P2RY14: variants seen among roughly 807,000 people sequenced by gnomAD.
P2RY14 encodes the protein purinergic receptor P2Y14, also known as P2Y purinoceptor 14.
Under a neutral mutation model 0.9 loss-of-function variants are expected in P2RY14, and 2 were observed. That is an observed-to-expected ratio of 2.16 (90% CI 0.88 to 6.79). The LOEUF (loss-of-function observed/expected upper bound fraction) is 6.79. Ranked by LOEUF, P2RY14 falls within the 30% of genes most tolerant of loss-of-function variation. The pLI, the probability that P2RY14 is intolerant of heterozygous loss-of-function variation, is 0.05. For synonymous variants in P2RY14, 158 were observed against 147.2 expected, an observed-to-expected ratio of 1.07 and a Z score of -0.53; for missense variants, 378 against 400.1, an observed-to-expected ratio of 0.94 and a Z score of 0.47.
At chr3:151,243,639 C>T (rs1393244368) in intron 1 of P2RY14, among the ~76,000 whole-genome samples, 1 of 151,828 alleles carries the variant, frequency 6.6e-6, no homozygotes, top group Non-Finnish European at 1.5e-5. Context: ...AAAGGAACAA[C>T]TGGTACCAGC....
chr3:151,275,247 C>T (rs921673825), intron 1 of P2RY14, among the ~76,000 whole-genome samples: 4 of 152,062 alleles, frequency 2.6e-5, no homozygotes, highest in Non-Finnish European at 5.9e-5. Flanking sequence ...GTGTACAGAT[C>T]GCTTTGGGCC....
chr3:151,213,978 C>T lies in P2RY14; in HGVS notation c.339G>A (p.Gly113=). Residue 113 remains glycine, a synonymous_variant, in exon 3 of 3, where the codon GGG becomes GGA. Transcript: ENST00000309170. ...TATAATATCTGTCAAAGCTGATGAG[C>T]CCAAAGAACACAATGCTGACGTACA... ...VNMYVSIVFF[G]LISFDRYYKI... The T allele has an allele frequency of 6.2e-7, 1 of 1,614,014 alleles. No homozygotes were observed. Among genetic ancestry groups the T allele is most frequent in the Non-Finnish European group, 8.5e-7 (1 of 1,179,956 alleles).
At chr3:151,234,839 G>T (rs1474650907) in intron 1 of P2RY14, among the ~76,000 whole-genome samples, 1 of 152,198 alleles carries the variant, frequency 6.6e-6, no homozygotes, top group Non-Finnish European at 1.5e-5. Context: ...TTAGTCAGGG[G>T]TCACCATCAC....
At chr3:151,257,863 A>C (rs1427363655) in intron 1 of P2RY14, among the ~76,000 whole-genome samples, 1 of 152,164 alleles carries the variant, frequency 6.6e-6, no homozygotes, top group Non-Finnish European at 1.5e-5. Flanking sequence ...TTATATTCCA[A>C]GTTCCTCCTT....
Position 151,244,324 on chromosome 3 carries a change from G to C in P2RY14, c.-132-24682C>G, listed in dbSNP as rs914210804. Among the ~76,000 whole-genome samples the C allele has an allele frequency of 8.1e-5, 10 of 123,598 alleles. 1 individual carries two copies. Among genetic ancestry groups the C allele is most frequent in the African/African-American group, 1.1e-4 (4 of 36,696 alleles). 81.1% of individuals were successfully genotyped at this position (123,598 alleles called of 152,430 possible). On this transcript the variant is annotated intron_variant, in intron 1 of 2. Transcript: ENST00000309170. ...ATCAACAGAATATACATTTTTTTCA[G>C]CACCACACCACACCTATTCCAAAAT...
intron 1 of P2RY14, among the ~76,000 whole-genome samples, chr3:151,271,220 A>G (rs2149554816): frequency 6.6e-6 from 1 of 152,308 alleles, no homozygotes; most frequent in Non-Finnish European, 1.5e-5. Context: ...GATGCAAACA[A>G]ATAATTCACA....
intron 1 of P2RY14, among the ~76,000 whole-genome samples, chr3:151,247,477 T>TTACA (rs1559933960): frequency 6.6e-6 from 1 of 151,228 alleles, no homozygotes; most frequent in African/African-American, 2.4e-5. Context: ...ATGGATGAAA[T>TTACA]TGGAAATCAT....
At chr3:151,225,958 C>T (rs894118541) in intron 1 of P2RY14, among the ~76,000 whole-genome samples, 1 of 152,160 alleles carries the variant, frequency 6.6e-6, no homozygotes, top group African/African-American at 2.4e-5. Context: ...CTCCTGTGTA[C>T]CCCTGATATT....
At chr3:151,268,266 T>TAA (rs397759193) in intron 1 of P2RY14, among the ~76,000 whole-genome samples, 5 of 152,056 alleles carry the variant, frequency 3.3e-5, no homozygotes, top group South Asian at 2.1e-4. Flanking sequence ...TATATATATA[T>TAA]AAGTCAGTTT....
rs1187861408 is a variant in P2RY14, at chr3:151,213,893, A to G, written c.424T>C (p.Ser142Pro). 1 of 1,614,016 alleles carries G rather than the reference A, an allele frequency of 6.2e-7. No individual in the cohort carries two copies. Reference sequence around the variant, plus strand: ...AGCATGAGCATCCATACTATCACTGACAGAAGTTTGCTGTAACTCACTGAC... The same window carrying G: ...AGCATGAGCATCCATACTATCACTGGCAGAAGTTTGCTGTAACTCACTGAC... ...IQSVSYSKLLSVIVWMLMLLL... is the reference protein window; with the variant it reads ...IQSVSYSKLLPVIVWMLMLLL... Residue 142 changes from serine (S) to proline (P), a missense_variant, in exon 3 of 3, where the codon TCA becomes CCA. Physicochemically the swap from Ser to Pro is moderately conservative, Grantham distance 74. Transcript: ENST00000309170.
chr3:151,233,266 T>C (rs1056928411), intron 1 of P2RY14, among the ~76,000 whole-genome samples: 3 of 152,234 alleles, frequency 2.0e-5, no homozygotes, highest in Non-Finnish European at 4.4e-5. Flanking sequence ...TACGCTGTCT[T>C]GTCATCTCTT....
intron 1 of P2RY14, among the ~76,000 whole-genome samples, chr3:151,277,302 A>G (rs190324118): frequency 6.6e-6 from 1 of 152,182 alleles, no homozygotes; most frequent in Admixed American, 6.5e-5. Flanking sequence ...GTTTGTATAT[A>G]TAGTATTCAT....
chr3:151,229,711 T>A (rs531709301), intron 1 of P2RY14, among the ~76,000 whole-genome samples: 2 of 152,076 alleles, frequency 1.3e-5, no homozygotes, highest in Admixed American at 1.3e-4. Context: ...GTGATCCGCC[T>A]GCCTCGGCCT....
At position 151,214,225 on chromosome 3, in the gene P2RY14, A is replaced by G. The variant is rs1727737624; in HGVS notation, c.92T>C (p.Met31Thr). 7 of 1,613,936 alleles carry G rather than the reference A, an allele frequency of 4.3e-6. 1 individual carries two copies. The East Asian group carries it at 1.6e-4, about 36-fold the overall frequency. The change falls in exon 3 of 3, where the codon ATG becomes ACG. Residue 31 changes from methionine (M) to threonine (T), a missense_variant. By Grantham distance (81) the Met-to-Thr change is moderately conservative (BLOSUM62 -1). Transcript: ENST00000309170. ...GAGTAGGATTCCTGCAATGAAGACC[A>G]TACAGTACAGCACAGGAATGATCTG... is the stretch of plus-strand genomic sequence containing the variant. ...TQQIIPVLYC[M>T]VFIAGILLNG...
At chr3:151,271,129 T>C (rs1198198115) in intron 1 of P2RY14, among the ~76,000 whole-genome samples, 1 of 152,102 alleles carries the variant, frequency 6.6e-6, no homozygotes, top group Non-Finnish European at 1.5e-5. Flanking sequence ...GTATCTCTGT[T>C]AAAGGCTCAG....
At chr3:151,259,725 G>T (rs1738507334) in intron 1 of P2RY14, among the ~76,000 whole-genome samples, 1 of 152,192 alleles carries the variant, frequency 6.6e-6, no homozygotes, top group Non-Finnish European at 1.5e-5. Context: ...AATACTCTGT[G>T]TTAATCTTTC....
intron 1 of P2RY14, among the ~76,000 whole-genome samples, chr3:151,263,813 C>T (rs1465592577): frequency 6.6e-6 from 1 of 152,184 alleles, no homozygotes; most frequent in Non-Finnish European, 1.5e-5. Flanking sequence ...CCTAACTCAT[C>T]TGTTAAATGG....
At chr3:151,226,185 T>C (rs376419389) in intron 1 of P2RY14, among the ~76,000 whole-genome samples, 80 of 152,272 alleles carry the variant, frequency 5.3e-4, no homozygotes, top group African/African-American at 1.7e-3. Flanking sequence ...AATGGTGGCA[T>C]CAGGGCAGCC....
intron 1 of P2RY14, among the ~76,000 whole-genome samples, chr3:151,220,768 G>A (rs1405207719): frequency 6.6e-6 from 1 of 152,176 alleles, no homozygotes; most frequent in African/African-American, 2.4e-5. Context: ...TTTGTAAACT[G>A]TCCTGTTTCT....
Sources: gnomAD v4.1 joint callset for allele counts (sites outside exome capture counted in the v4.1 genomes callset) on GRCh38, gnomAD v4.1.1 for gene constraint, MANE v1.5 for transcripts, NCBI Gene and HGNC (gene_info 2026-07-23, HGNC 2026-07-21) for gene names.